Variants in SNTG1 observed in about 807,000 individuals in gnomAD.
SNTG1 encodes gamma-1-syntrophin.
A neutral mutation model predicts 74.7 loss-of-function variants in SNTG1; 39 were observed. That is an observed-to-expected ratio of 0.52 (90% CI 0.40 to 0.68). SNTG1 has a LOEUF of 0.68. SNTG1 is among the 30% of genes least tolerant of loss of function. The pLI is 0.00. For synonymous variants in SNTG1, 254 were observed against 217.1 expected (o/e 1.17, Z -1.49); for missense variants, 685 against 609.5 (o/e 1.12, Z -1.30).
At chr8:50,031,429 G>A (rs1817731926) in intron 1 of SNTG1, among the ~76,000 whole-genome samples, 1 of 151,816 alleles carries the variant, frequency 6.6e-6, no homozygotes, top group Non-Finnish European at 1.5e-5. Context: ...AAGCTTAAGG[G>A]GAAAACATTT....
chr8:50,565,046 G>A (rs149022160), intron 12 of SNTG1, among the ~76,000 whole-genome samples: 154 of 152,030 alleles, frequency 1.0e-3, no homozygotes, highest in Non-Finnish European at 1.6e-4. Context: ...AACAAAAATG[G>A]CCCTTTGCCT....
At chr8:50,301,727 T>A (rs1298717976) in intron 2 of SNTG1, among the ~76,000 whole-genome samples, 1 of 152,180 alleles carries the variant, frequency 6.6e-6, no homozygotes, top group African/African-American at 2.4e-5. Flanking sequence ...TGTTTTTCTG[T>A]TCATTTATTT....
At chr8:50,739,220 A>G (rs1216518204) in intron 17 of SNTG1, among the ~76,000 whole-genome samples, 2 of 152,154 alleles carry the variant, frequency 1.3e-5, no homozygotes, top group Non-Finnish European at 2.9e-5. Context: ...TTTACAAGAA[A>G]AAAACAAACA....
At chr8:50,287,634 C>T (rs1010387514) in intron 2 of SNTG1, among the ~76,000 whole-genome samples, 10 of 152,128 alleles carry the variant, frequency 6.6e-5, no homozygotes, top group Non-Finnish European at 1.3e-4. Flanking sequence ...TTTAGGAGCT[C>T]TTCCTCTTAT....
At chr8:50,702,580 C>T (rs1194832771) in intron 15 of SNTG1, among the ~76,000 whole-genome samples, 3 of 152,168 alleles carry the variant, frequency 2.0e-5, no homozygotes, top group Non-Finnish European at 4.4e-5. Flanking sequence ...TTACATCCCT[C>T]CTTATGAGAA....
At chr8:49,931,184 C>T (rs1268805607) in intron 1 of SNTG1, among the ~76,000 whole-genome samples, 3 of 152,208 alleles carry the variant, frequency 2.0e-5, no homozygotes, top group African/African-American at 7.2e-5. Flanking sequence ...CTCTGATATA[C>T]ATGCAGAGCA....
chr8:50,457,619 G>C (rs1266868095), intron 8 of SNTG1, among the ~76,000 whole-genome samples: 2 of 152,156 alleles, frequency 1.3e-5, no homozygotes. Context: ...CAGGGGGCAA[G>C]GGTTGTTGGT....
At chr8:49,920,880 T>C (rs60600304) in intron 1 of SNTG1, among the ~76,000 whole-genome samples, 2,395 of 152,200 alleles carry the variant, frequency 0.016, 58 homozygotes, top group African/African-American at 0.054. Flanking sequence ...GTGATGCCGC[T>C]ATCAAATAAA....
intron 2 of SNTG1, among the ~76,000 whole-genome samples, chr8:50,389,855 T>A (rs187841884): frequency 6.6e-6 from 1 of 152,380 alleles, no homozygotes; most frequent in East Asian, 1.9e-4. Context: ...CATTTTTTCA[T>A]GTGCCTTTTG....
intron 18 of SNTG1, chr8:50,762,901 C>A (rs548664529): frequency 1.2e-4 from 34 of 284,048 alleles, no homozygotes; most frequent in African/African-American, 7.2e-4. Context: ...TCCCCTCCTA[C>A]CAGCAGCATT....
chr8:50,041,223 A>G (rs1253400579), intron 1 of SNTG1, among the ~76,000 whole-genome samples: 1 of 152,136 alleles, frequency 6.6e-6, no homozygotes, highest in East Asian at 1.9e-4. Context: ...AAAATAAAAT[A>G]GTATTATTGA....
intron 3 of SNTG1, among the ~76,000 whole-genome samples, chr8:50,401,821 T>C (rs2092809862): frequency 6.6e-6 from 1 of 152,220 alleles, no homozygotes; most frequent in East Asian, 1.9e-4. Context: ...ATATTAAAAA[T>C]ACATGAATTG....
intron 8 of SNTG1, among the ~76,000 whole-genome samples, chr8:50,471,712 A>G (rs2093655744): frequency 6.6e-6 from 1 of 152,238 alleles, no homozygotes; most frequent in African/African-American, 2.4e-5. Context: ...AAACCAAGAA[A>G]GATGTCATTC....
At chr8:50,322,549 CTTGTAT>C (rs1439195204) in intron 2 of SNTG1, among the ~76,000 whole-genome samples, 1 of 152,034 alleles carries the variant, frequency 6.6e-6, no homozygotes, top group Non-Finnish European at 1.5e-5. Flanking sequence ...CTATAATCTT[CTTGTAT>C]TTGAATATTG....
chr8:49,914,270 G>C (rs1563340430), intron 1 of SNTG1, among the ~76,000 whole-genome samples: 2 of 151,882 alleles, frequency 1.3e-5, no homozygotes, highest in South Asian at 4.2e-4. Context: ...CCCACTAAGG[G>C]CATCTATTTG....
chr8:50,115,580 A>AAAAAAAAAAAAC (rs1554580689), intron 1 of SNTG1, among the ~76,000 whole-genome samples: 1 of 148,388 alleles, frequency 6.7e-6, no homozygotes, highest in African/African-American at 2.5e-5. Flanking sequence ...AAAAAAAAAA[A>AAAAAAAAAAAAC]AAAAAAACGA....
intron 12 of SNTG1, among the ~76,000 whole-genome samples, chr8:50,589,739 A>G (rs2094679950): frequency 6.6e-6 from 1 of 152,210 alleles, no homozygotes; most frequent in African/African-American, 2.4e-5. Flanking sequence ...TACTCAGTAT[A>G]GATTTTTTAA....
chr8:49,935,112 A>G (rs1247132626), intron 1 of SNTG1, among the ~76,000 whole-genome samples: 1 of 151,942 alleles, frequency 6.6e-6, no homozygotes, highest in Non-Finnish European at 1.5e-5. Context: ...AAACAGTTGT[A>G]GGAAGCATTT....
intron 9 of SNTG1, among the ~76,000 whole-genome samples, chr8:50,524,495 A>G (rs1489291587): frequency 6.6e-6 from 1 of 152,132 alleles, no homozygotes; most frequent in Non-Finnish European, 1.5e-5. Flanking sequence ...TGATAACTCC[A>G]TGTCAATCAC....
Sources: gnomAD v4.1 joint callset for allele counts (sites outside exome capture counted in the v4.1 genomes callset) on GRCh38, gnomAD v4.1.1 for gene constraint, MANE v1.5 for transcripts, NCBI Gene and HGNC (gene_info 2026-07-23, HGNC 2026-07-21) for gene names.